LPAR3: variants seen among roughly 807,000 people sequenced by gnomAD.
The protein encoded by LPAR3 is LPA receptor 3.
Under a neutral mutation model 17.8 loss-of-function variants are expected in LPAR3, and 7 were observed. The ratio of observed to expected loss-of-function variants is 0.39; its 90% CI spans 0.22 to 0.74. The LOEUF is 0.74. LPAR3 is among the 30% of genes least tolerant of loss of function. The pLI, the probability that LPAR3 is intolerant of heterozygous loss-of-function variation, is 0.40. For missense variants in LPAR3, 391 were observed against 453.4 expected (o/e 0.86, Z 1.25); for synonymous variants, 179 against 179.9 (o/e 0.99, Z 0.04).
At chr1:84,865,196 T>G (rs1455837515) in intron 2 of LPAR3, among the ~76,000 whole-genome samples, 189 bp downstream of exon 2, 1 of 152,212 alleles carries the variant, frequency 6.6e-6, no homozygotes, top group Admixed American at 6.5e-5. Context: ...TTAATTTGTT[T>G]ACCCCCATTA....
At position 84,865,453 on chromosome 1, in the gene LPAR3, T is replaced by C; in HGVS notation, c.668A>G (p.His223Arg). Residue 223 changes from histidine to arginine, a missense_variant, in exon 2 of 3, where the codon CAT becomes CGT. His to Arg is a conservative substitution (Grantham distance 29). Coordinates refer to ENST00000370611, the MANE Select transcript of LPAR3 (RefSeq NM_012152.3). ...CCGGCGGCTGATGGACCCACTTGTA[T>C]GCGGAGACAAGACGTTGGTTTTCCT... ...VKRKTNVLSP[H>R]TSGSISRRRT... 1.9e-6 allele frequency: 3 copies of C among 1,614,200 alleles called. No homozygotes were observed. The highest frequency in any genetic ancestry group is 2.5e-6 in the Non-Finnish European group (3 of 1,180,032).
chr1:84,851,576 A>G (rs939640276), intron 2 of LPAR3, among the ~76,000 whole-genome samples: 4 of 152,284 alleles, frequency 2.6e-5, no homozygotes, highest in African/African-American at 7.2e-5. Flanking sequence ...AGTATACTAC[A>G]GAAGCACTGG....
intron 2 of LPAR3, among the ~76,000 whole-genome samples, chr1:84,848,231 C>A (rs762007649): frequency 2.0e-5 from 3 of 152,206 alleles, no homozygotes; most frequent in Non-Finnish European, 4.4e-5. Context: ...ATGTGGCCAG[C>A]CACCATCTTA....
chr1:84,859,145 T>C lies in LPAR3; in HGVS notation c.736+6240A>G, dbSNP rs1038431964. 6.6e-5 allele frequency among the ~76,000 whole-genome samples: 10 copies of C among 152,122 alleles called. No homozygotes were observed. In the East Asian group the frequency reaches 1.9e-3, roughly 29 times the overall value. ...ATTTCCATGAGACCAAAGAGAACAG[T>C]GTATTAAAACTGAAAAAGACACAGT... is the stretch of plus-strand genomic sequence containing the variant. On this transcript the variant is annotated intron_variant, in intron 2 of 2. Transcript: ENST00000370611.
At chr1:84,820,817 T>C (rs1659038387) in intron 2 of LPAR3, among the ~76,000 whole-genome samples, 4 of 152,200 alleles carry the variant, frequency 2.6e-5, no homozygotes, top group African/African-American at 9.7e-5. Flanking sequence ...AATCTTTCTA[T>C]GTTCCTTGGT....
At chr1:84,837,958 C>T (rs1659436756) in intron 2 of LPAR3, among the ~76,000 whole-genome samples, 1 of 152,126 alleles carries the variant, frequency 6.6e-6, no homozygotes, top group African/African-American at 2.4e-5. Context: ...ACTTGTGAAA[C>T]ATCCTGGGGT....
chr1:84,874,425 T>C (rs1208492921), intron 1 of LPAR3, among the ~76,000 whole-genome samples: 5 of 152,196 alleles, frequency 3.3e-5, no homozygotes, highest in African/African-American at 1.2e-4. Flanking sequence ...GGTCTTGGTA[T>C]ATACACACAG....
At chr1:84,831,966 A>G (rs1463186068) in intron 2 of LPAR3, among the ~76,000 whole-genome samples, 1 of 152,038 alleles carries the variant, frequency 6.6e-6, no homozygotes. Context: ...TTCAGAGTCA[A>G]TAAAATAGAA....
intron 2 of LPAR3, among the ~76,000 whole-genome samples, chr1:84,849,769 C>T (rs550320774): frequency 3.3e-5 from 5 of 152,246 alleles, no homozygotes; most frequent in African/African-American, 7.2e-5. Flanking sequence ...GAGGCCTCAA[C>T]GAAAATACTT....
intron 2 of LPAR3, among the ~76,000 whole-genome samples, chr1:84,864,232 C>A (rs970811990): frequency 5.7e-4 from 85 of 148,624 alleles, no homozygotes; most frequent in Non-Finnish European, 8.8e-4. Flanking sequence ...AAACAAAAAA[C>A]AAAAAAACAG....
chr1:84,844,766 AC>A (rs1356559382), intron 2 of LPAR3, among the ~76,000 whole-genome samples: 2 of 152,222 alleles, frequency 1.3e-5, no homozygotes, highest in African/African-American at 2.4e-5. Context: ...ACATTTCTGT[AC>A]AAAAATCATT....
rs149329705 is a variant in LPAR3 at position 84,871,190 on chromosome 1, C to T, written c.-18-5052G>A. The stretch of plus-strand genomic sequence containing the variant: ...AGTTCTAACCTAGAAAAAAAAGATG[C>T]TAAACTTTGGAGCAATTACCACAAC... On this transcript the variant is annotated intron_variant, in intron 1 of 2. Transcript: ENST00000370611. Among the ~76,000 whole-genome samples, 455 of 152,220 alleles carry T rather than the reference C, an allele frequency of 3.0e-3. 1 individual carries two copies. Among genetic ancestry groups the T allele is most frequent in the African/African-American group, 9.8e-3 (406 of 41,536 alleles).
At chr1:84,831,672 G>T (rs1659285567) in intron 2 of LPAR3, among the ~76,000 whole-genome samples, 1 of 151,552 alleles carries the variant, frequency 6.6e-6, no homozygotes, top group African/African-American at 2.4e-5. Flanking sequence ...GACATAATGT[G>T]GTTTCAATAT....
intron 2 of LPAR3, among the ~76,000 whole-genome samples, chr1:84,843,479 T>A (rs1042335539): frequency 4.6e-5 from 7 of 152,252 alleles, no homozygotes; most frequent in African/African-American, 1.7e-4. Flanking sequence ...TTGCCAGTCA[T>A]GAAAGTGTGT....
At chr1:84,847,463 T>C (rs1659613801) in intron 2 of LPAR3, among the ~76,000 whole-genome samples, 1 of 152,154 alleles carries the variant, frequency 6.6e-6, no homozygotes. Context: ...CACATTTCTA[T>C]GAAGAATTGT....
At chr1:84,876,036 G>A (rs374324470) in intron 1 of LPAR3, among the ~76,000 whole-genome samples, 6 of 152,274 alleles carry the variant, frequency 3.9e-5, no homozygotes, top group Admixed American at 2.0e-4. Flanking sequence ...CAGCTGTAGC[G>A]GGAAACAGTT....
intron 2 of LPAR3, among the ~76,000 whole-genome samples, chr1:84,825,565 G>A (rs756450286): frequency 4.6e-5 from 7 of 152,178 alleles, no homozygotes; most frequent in Non-Finnish European, 1.0e-4. Context: ...TATAGGAGGC[G>A]ATGCAAAGGG....
intron 2 of LPAR3, among the ~76,000 whole-genome samples, chr1:84,820,011 G>C (rs1466370091): frequency 6.6e-6 from 1 of 152,046 alleles, no homozygotes; most frequent in Non-Finnish European, 1.5e-5. Context: ...GTGTGCTCAG[G>C]GCTTTACATG....
At chr1:84,877,332 G>A (rs1056774454) in intron 1 of LPAR3, among the ~76,000 whole-genome samples, 3 of 152,194 alleles carry the variant, frequency 2.0e-5, no homozygotes, top group Non-Finnish European at 4.4e-5. Flanking sequence ...GCCAGCCATG[G>A]GGGATGCTGG....
Sources: allele counts gnomAD v4.1 joint callset (sites outside exome capture counted in the v4.1 genomes callset), GRCh38; gene constraint gnomAD v4.1.1; transcripts MANE v1.5; gene names NCBI Gene and HGNC (gene_info 2026-07-23, HGNC 2026-07-21).